The following RPTOR variants were observed in gnomAD, a reference collection of about 807,000 sequenced individuals.
The protein encoded by RPTOR is regulatory associated protein of MTOR complex 1.
Under a neutral mutation model 169.9 loss-of-function variants are expected in RPTOR, and 21 were observed. That is an observed-to-expected ratio of 0.12 (90% CI 0.09 to 0.18). The LOEUF (loss-of-function observed/expected upper bound fraction) is 0.18. Ranked by LOEUF, RPTOR falls within the 10% of genes least tolerant of loss-of-function variation. RPTOR has a pLI of 1.00. For missense variants in RPTOR, 1,133 were observed against 1,855.9 expected (o/e 0.61, Z 7.16); for synonymous variants, 732 against 753.2 (o/e 0.97, Z 0.46).
In RPTOR at chr17:80,820,052, G is replaced by A. The variant is rs2067363638; in HGVS notation, c.891-2149G>A. ...TTGACTAACTCCAGATATGTTGAGA[G>A]AGGAGAGAACCCGTGACAGGATGCT... On this transcript the variant is annotated intron_variant, in intron 7 of 33. Coordinates refer to ENST00000306801, the MANE Select transcript of RPTOR (RefSeq NM_020761.3). The surrounding 1 kb of genome is among the most constrained non-coding windows in gnomAD (Gnocchi z 4.1). Among the ~76,000 whole-genome samples the A allele has an allele frequency of 6.6e-6, 1 of 152,168 alleles. No individual in the cohort carries two copies. The highest frequency in any genetic ancestry group is 1.5e-5 in the Non-Finnish European group (1 of 68,044).
intron 1 of RPTOR, among the ~76,000 whole-genome samples, chr17:80,556,505 C>A (rs985468300): frequency 3.9e-5 from 6 of 151,984 alleles, no homozygotes; most frequent in Non-Finnish European, 7.4e-5. Flanking sequence ...TAGAGTGACA[C>A]CCTGCTTCAA....
intron 5 of RPTOR, among the ~76,000 whole-genome samples, chr17:80,737,120 A>AT (rs375408899): frequency 2.0e-5 from 3 of 151,890 alleles, no homozygotes; most frequent in East Asian, 1.9e-4. Flanking sequence ...CTCCAGCATA[A>AT]TTTTTTTTCC....
intron 3 of RPTOR, among the ~76,000 whole-genome samples, chr17:80,700,739 G>C (rs200414880): frequency 9.4e-5 from 1 of 10,650 alleles, no homozygotes; most frequent in South Asian, 4.0e-3. Context: ...GATGATGGTG[G>C]TGGTGGTGGT....
At chr17:80,934,884 A>G (rs1053006335) in intron 24 of RPTOR, among the ~76,000 whole-genome samples, 1 of 152,130 alleles carries the variant, frequency 6.6e-6, no homozygotes, top group Non-Finnish European at 1.5e-5. Flanking sequence ...CCAAGTCCTC[A>G]GCATCGTATT....
intron 3 of RPTOR, among the ~76,000 whole-genome samples, chr17:80,674,588 C>T (rs746977153): frequency 6.6e-5 from 10 of 152,120 alleles, no homozygotes; most frequent in East Asian, 1.9e-4. Flanking sequence ...CTCGCCACCA[C>T]GCCCAGAAGA....
intron 3 of RPTOR, among the ~76,000 whole-genome samples, chr17:80,696,445 T>C (rs1174176361): frequency 1.3e-5 from 2 of 152,194 alleles, no homozygotes; most frequent in Non-Finnish European, 2.9e-5. Context: ...AGCTCGGCTT[T>C]CGTTAGTTCA....
At chr17:80,902,573 C>T (rs1043196910) in intron 20 of RPTOR, among the ~76,000 whole-genome samples, 1 of 152,262 alleles carries the variant, frequency 6.6e-6, no homozygotes, top group East Asian at 1.9e-4. Context: ...CCTCACCTGT[C>T]CCGGCCCCCA....
intron 29 of RPTOR, among the ~76,000 whole-genome samples, chr17:80,958,127 C>T (rs2069277809): frequency 1.3e-5 from 2 of 151,296 alleles, no homozygotes; most frequent in South Asian, 4.2e-4. Context: ...GTCACCCAGG[C>T]TGGAGTGCAG....
chr17:80,885,935 C>A lies in RPTOR; in HGVS notation c.1983+787C>A, dbSNP rs549561292. Among the ~76,000 whole-genome samples, 26 of 152,350 alleles carry A rather than the reference C, an allele frequency of 1.7e-4. No homozygotes were observed. The South Asian group carries it at 5.4e-3, about 32-fold the overall frequency. ...AGGTTTCACACCCTCAGATTCCCCA[C>A]CCACCCCAGCGCAAAAGGGGCGTTT... On this transcript the variant is annotated intron_variant, in intron 17 of 33. Transcript: ENST00000306801.
intron 12 of RPTOR, among the ~76,000 whole-genome samples, chr17:80,855,787 A>G (rs966657956): frequency 3.3e-5 from 5 of 151,984 alleles, no homozygotes; most frequent in African/African-American, 1.2e-4. Flanking sequence ...GCCCCTCTTT[A>G]TGTCTGATGT....
intron 1 of RPTOR, among the ~76,000 whole-genome samples, chr17:80,586,348 C>T (rs1033626609): frequency 6.6e-6 from 1 of 152,160 alleles, no homozygotes; most frequent in Non-Finnish European, 1.5e-5. Flanking sequence ...CCCCGTGATC[C>T]TGTATGTAGT....
chr17:80,782,400 TA>T (rs1245148113), intron 6 of RPTOR, among the ~76,000 whole-genome samples: 4 of 152,296 alleles, frequency 2.6e-5, no homozygotes, highest in African/African-American at 4.8e-5. Context: ...TTTTTATTTT[TA>T]TTTTTTTTTA....
intron 5 of RPTOR, among the ~76,000 whole-genome samples, chr17:80,750,919 T>TA (rs757420288): frequency 3.3e-5 from 5 of 151,972 alleles, no homozygotes; most frequent in African/African-American, 7.3e-5. Flanking sequence ...TTTATCATCA[T>TA]AAAAAAAACC....
intron 13 of RPTOR, among the ~76,000 whole-genome samples, chr17:80,875,685 G>C (rs71368101): frequency 6.6e-6 from 1 of 151,366 alleles, no homozygotes; most frequent in East Asian, 1.9e-4. Context: ...AAGCCCCTCC[G>C]CCCAGGATGT....
chr17:80,847,061 G>A (rs376629209), intron 11 of RPTOR, among the ~76,000 whole-genome samples: 12 of 152,280 alleles, frequency 7.9e-5, no homozygotes, highest in African/African-American at 1.9e-4. Context: ...ACTGACCGGC[G>A]AAGCGGGCAG....
intron 7 of RPTOR, among the ~76,000 whole-genome samples, chr17:80,809,571 T>A (rs2067252721): frequency 6.6e-6 from 1 of 152,240 alleles, no homozygotes; most frequent in Non-Finnish European, 1.5e-5. Flanking sequence ...TTTCCTATGC[T>A]GCTATTGGCC....
intron 7 of RPTOR, among the ~76,000 whole-genome samples, chr17:80,809,831 G>A (rs1233509902): frequency 6.6e-6 from 1 of 152,104 alleles, no homozygotes; most frequent in Non-Finnish European, 1.5e-5. Flanking sequence ...AAGGTCAGGA[G>A]ATCGAGACCA....
chr17:80,889,984 TGTGCGGCCTCCGAGGGAGGCCCCCGTACG>T (rs2068299060), intron 17 of RPTOR, among the ~76,000 whole-genome samples: 2 of 141,066 alleles, frequency 1.4e-5, no homozygotes, highest in Non-Finnish European at 3.0e-5. Context: ...CACAGCAGGA[TGTGCGGCCTCCGAGGGAGGCCCCCGTACG>T]CAGCAGGATG....
At chr17:80,961,767 A>G (rs1438303643) in intron 31 of RPTOR, 2 of 394,040 alleles carry the variant, frequency 5.1e-6, no homozygotes, top group Non-Finnish European at 9.2e-6. Flanking sequence ...CTCTCCCTCC[A>G]CGGGCAGGGG....
Sources: gnomAD v4.1 joint callset for allele counts (sites outside exome capture counted in the v4.1 genomes callset) on GRCh38, gnomAD v4.1.1 for gene constraint, Gnocchi (gnomAD v3.1) non-coding constraint, MANE v1.5 for transcripts, NCBI Gene and HGNC (gene_info 2026-07-23, HGNC 2026-07-21) for gene names.